The following WIPF3 variants were observed in gnomAD, a reference collection of about 807,000 sequenced individuals.
The protein encoded by WIPF3 is WAS/WASL interacting protein family member 3.
WIPF3 carries 33 observed loss-of-function variants against 38.9 expected under a neutral mutation model. That is an observed-to-expected ratio of 0.85 (90% confidence interval 0.64 to 1.14). The LOEUF is 1.14. Among genes scored for constraint, WIPF3 ranks in the 50% most tolerant of loss-of-function variants. The probability of loss-of-function intolerance (pLI) is 0.00; values close to 1 mark genes in which losing one functional copy is unlikely to be tolerated. For synonymous variants in WIPF3, 324 were observed against 269.3 expected (o/e 1.20, Z -1.99); for missense variants, 711 against 652.5 (o/e 1.09, Z -0.98).
In WIPF3 at chr7:29,884,457, A is replaced by G; in HGVS notation, c.963A>G (p.Glu321=). 1 of 1,527,066 alleles carries G rather than the reference A, an allele frequency of 6.5e-7. No homozygotes were observed. Among genetic ancestry groups the G allele is most frequent in the Non-Finnish European group, 8.8e-7 (1 of 1,137,218 alleles). The allele number at this position is 1,527,066 out of a possible 1,614,324, so 94.6% of individuals were successfully genotyped here. Residue 321 remains glutamate (E), a synonymous_variant, in exon 5 of 9, where the codon GAA becomes GAG. Coordinates refer to ENST00000242140, the MANE Select transcript of WIPF3 (RefSeq NM_001080529.3). The part of the protein sequence containing the change: ...PPLPGVNSSS[E]TPPPLPPKSP... ...TGCCAGGAGTTAATAGCAGCAGTGA[A>G]ACTCCACCCCCGCTACCCCCTAAAT... is the stretch of plus-strand genomic sequence containing the variant.
chr7:29,865,581 T>C (rs1412925309), intron 2 of WIPF3, among the ~76,000 whole-genome samples: 1 of 152,018 alleles, frequency 6.6e-6, no homozygotes, highest in African/African-American at 2.4e-5. Context: ...AGGCCTCTAC[T>C]CTTCATTGAC....
intron 7 of WIPF3, among the ~76,000 whole-genome samples, chr7:29,893,291 G>A (rs999640237): frequency 6.6e-6 from 1 of 152,072 alleles, no homozygotes; most frequent in Non-Finnish European, 1.5e-5. Context: ...GGTGAGGGGA[G>A]GTGGCTAAAG....
At chr7:29,830,016 G>A (rs1177598764) in intron 1 of WIPF3, among the ~76,000 whole-genome samples, 1 of 152,016 alleles carries the variant, frequency 6.6e-6, no homozygotes, top group African/African-American at 2.4e-5. Context: ...CTTGCGTGCA[G>A]CCCCTGACTT....
chr7:29,864,368 A>C (rs1785350751), intron 2 of WIPF3, among the ~76,000 whole-genome samples: 1 of 152,210 alleles, frequency 6.6e-6, no homozygotes, highest in Non-Finnish European at 1.5e-5. Flanking sequence ...TTCTCAGAAT[A>C]AACCCCACTT....
intron 8 of WIPF3, among the ~76,000 whole-genome samples, chr7:29,913,083 A>G (rs1367717552): frequency 6.7e-6 from 1 of 148,676 alleles, no homozygotes; most frequent in Non-Finnish European, 1.5e-5. Context: ...GTGGTGGCTC[A>G]TGCCTGTAAT....
chr7:29,815,254 G>A (rs764546965), intron 1 of WIPF3, among the ~76,000 whole-genome samples: 4 of 152,076 alleles, frequency 2.6e-5, no homozygotes, highest in Non-Finnish European at 5.9e-5. Flanking sequence ...AAAACAGTAA[G>A]ACAAGACAAG....
intron 2 of WIPF3, among the ~76,000 whole-genome samples, chr7:29,835,973 G>T (rs1784793322): frequency 6.6e-6 from 1 of 152,196 alleles, no homozygotes; most frequent in Non-Finnish European, 1.5e-5. Flanking sequence ...CCTGGTGAGG[G>T]TGAGAGTATG....
intron 7 of WIPF3, among the ~76,000 whole-genome samples, chr7:29,902,376 C>T (rs1250930610): frequency 1.3e-5 from 2 of 150,406 alleles, no homozygotes; most frequent in African/African-American, 2.4e-5. Context: ...AGGACAAGTG[C>T]ACTCATTAAG....
chr7:29,848,823 G>T (rs550350625), intron 2 of WIPF3, among the ~76,000 whole-genome samples: 1 of 152,238 alleles, frequency 6.6e-6, no homozygotes, highest in East Asian at 1.9e-4. Flanking sequence ...AGATGGGCTG[G>T]AGTTGATAAT....
At chr7:29,850,776 C>T (rs979300934) in intron 2 of WIPF3, among the ~76,000 whole-genome samples, 1 of 152,202 alleles carries the variant, frequency 6.6e-6, no homozygotes, top group Non-Finnish European at 1.5e-5. Context: ...CTGGCACACA[C>T]TCACCTTCCC....
At chr7:29,871,775 C>A (rs1174806634) in intron 2 of WIPF3, among the ~76,000 whole-genome samples, 1 of 152,102 alleles carries the variant, frequency 6.6e-6, no homozygotes, top group Non-Finnish European at 1.5e-5. Flanking sequence ...TTTTTTTATT[C>A]TATCCTTGAC....
chr7:29,833,853 A>G (rs1784758781), intron 1 of WIPF3, among the ~76,000 whole-genome samples: 1 of 152,200 alleles, frequency 6.6e-6, no homozygotes. Flanking sequence ...TTTCTTTAAT[A>G]CAGATTTTAA....
rs141544797 is a variant in WIPF3 at position 29,885,520 on chromosome 7, T to A, written c.1099+927T>A. Among the ~76,000 whole-genome samples the A allele has an allele frequency of 2.6e-5, 4 of 152,314 alleles. No individual in the cohort carries two copies. The East Asian group carries it at 7.7e-4, about 29-fold the overall frequency. On this transcript the variant is annotated intron_variant, in intron 5 of 8. Coordinates refer to ENST00000242140, the MANE Select transcript of WIPF3 (RefSeq NM_001080529.3). ...TTGTTGCAGAGCTAATAGACGGAAA[T>A]TCAAACTGGCCAGGTACGGATGGCT...
chr7:29,897,031 C>CT (rs1786159265), intron 7 of WIPF3, among the ~76,000 whole-genome samples: 1 of 152,336 alleles, frequency 6.6e-6, no homozygotes, highest in East Asian at 1.9e-4. Context: ...CTTCTACTCT[C>CT]TGTCTCTATT....
At position 29,888,153 on chromosome 7, in the gene WIPF3, C is replaced by T. The variant is rs1250104449; in HGVS notation, c.1185C>T (p.Ala395=). 3.7e-6 allele frequency: 6 copies of T among 1,613,630 alleles called. No individual in the cohort carries two copies. The Admixed American group carries it at 1.0e-4, about 27-fold the overall frequency. ...TTELSSKSQQ[A]TAWTPTQQPG... is the part of the protein sequence containing the mutation. ...AGCTTTCAAGCAAGAGCCAGCAGGC[C>T]ACAGCCTGGACCCCGACGCAGCAGC... is the stretch of plus-strand genomic sequence containing the variant. The change falls in exon 6 of 9, where the codon GCC becomes GCT. Residue 395 remains alanine (A), a synonymous_variant. Transcript: ENST00000242140.
intron 7 of WIPF3, among the ~76,000 whole-genome samples, chr7:29,890,909 TG>T (rs1785999117): frequency 8.1e-6 from 1 of 124,192 alleles, no homozygotes; most frequent in Non-Finnish European, 1.7e-5. Context: ...TGTGCTCAGG[TG>T]GGGGGAATGC....
chr7:29,807,839 A>C (rs749079131), intron 1 of WIPF3, among the ~76,000 whole-genome samples: 1 of 152,114 alleles, frequency 6.6e-6, no homozygotes, highest in Non-Finnish European at 1.5e-5. Context: ...GTGATTTAGA[A>C]GGTTTGTGCC....
intron 7 of WIPF3, among the ~76,000 whole-genome samples, chr7:29,891,041 G>A (rs1311644453): frequency 6.9e-6 from 1 of 145,382 alleles, no homozygotes; most frequent in Non-Finnish European, 1.5e-5. Flanking sequence ...CTCAGGTGGA[G>A]GGGGCACGGG....
At chr7:29,902,265 CTTCTTCTTCT>C (rs1786299194) in intron 7 of WIPF3, among the ~76,000 whole-genome samples, 1 of 116,454 alleles carries the variant, frequency 8.6e-6, no homozygotes, top group East Asian at 3.0e-4. Flanking sequence ...TTTTCTTCTT[CTTCTTCTTCT>C]TTTTTTTTTT....
Sources: allele counts gnomAD v4.1 joint callset (sites outside exome capture counted in the v4.1 genomes callset), GRCh38; gene constraint gnomAD v4.1.1; transcripts MANE v1.5; gene names NCBI Gene and HGNC (gene_info 2026-07-23, HGNC 2026-07-21).